The following ZNF510 variants were observed in gnomAD, a reference collection of about 807,000 sequenced individuals.
ZNF510 encodes zinc finger protein 510.
A neutral mutation model predicts 18.1 loss-of-function variants in ZNF510; 15 were observed. That is an observed-to-expected ratio of 0.83 (90% CI 0.55 to 1.28). The LOEUF (loss-of-function observed/expected upper bound fraction) is 1.28. ZNF510 is among the 50% of genes most tolerant of loss of function. The pLI, the probability that ZNF510 is intolerant of heterozygous loss-of-function variation, is 0.00. For synonymous variants in ZNF510, 261 were observed against 266.4 expected, an observed-to-expected ratio of 0.98 and a Z score of 0.20; for missense variants, 724 against 791.8, an observed-to-expected ratio of 0.91 and a Z score of 1.03.
chr9:96,774,925 G>GT, intron 2 of ZNF510, 79 bp from the exon 3 acceptor site: 1 of 1,240,338 alleles, frequency 8.1e-7, no homozygotes, highest in African/African-American at 1.5e-5. Context: ...CACCAGCTGG[G>GT]GAAAAAGGCC....
intron 3 of ZNF510, among the ~76,000 whole-genome samples, chr9:96,774,515 G>A (rs1439090742): frequency 6.6e-6 from 1 of 152,122 alleles, no homozygotes; most frequent in African/African-American, 2.4e-5. Context: ...CTGGTTTTAA[G>A]CTTCTCATCA....
At chr9:96,762,086 C>T (rs1020222269) in intron 5 of ZNF510, among the ~76,000 whole-genome samples, 1 of 150,884 alleles carries the variant, frequency 6.6e-6, no homozygotes, top group Non-Finnish European at 1.5e-5. Flanking sequence ...AAAAAGACTA[C>T]AAATTGGGTG....
In ZNF510 at chr9:96,759,905, G is replaced by C; in HGVS notation, c.925C>G (p.Leu309Val). The part of the protein sequence containing the change: ...HRRTGTGKKH[L>V]HLNQCGKSFE... ...GATTTCCCACATTGATTAAGATGCAGGTGTTTCTTCCCTGTGCCAGTTCTC... is the reference window on the plus strand; with the variant it reads ...GATTTCCCACATTGATTAAGATGCACGTGTTTCTTCCCTGTGCCAGTTCTC... Residue 309 changes from leucine (L) to valine (V), a missense_variant, in exon 6 of 6, where the codon CTG becomes GTG. Transcript: ENST00000223428. 1 of 1,613,226 alleles carries C rather than the reference G, an allele frequency of 6.2e-7. No homozygotes were observed. Among genetic ancestry groups the C allele is most frequent in the Non-Finnish European group, 8.5e-7 (1 of 1,179,948 alleles).
Position 96,760,222 on chromosome 9 carries a change from C to T in ZNF510, c.608G>A (p.Cys203Tyr). The stretch of plus-strand genomic sequence containing the variant: ...AGGTGAATTCTCACATACATTACCG[C>T]AACCTATTTTCTTTGTTGAATAGTT... ...NRNYSTKKIG[C>Y]GNVCENSPFK... The change falls in exon 6 of 6, where the codon TGC becomes TAC. Residue 203 changes from cysteine to tyrosine, a missense_variant. Cys to Tyr is a radical substitution (Grantham distance 194). Transcript: ENST00000223428. The T allele has an allele frequency of 6.2e-7, 1 of 1,613,098 alleles. No individual in the cohort carries two copies. The highest frequency in any genetic ancestry group is 1.1e-5 in the South Asian group (1 of 90,744).
At position 96,776,121 on chromosome 9, in the gene ZNF510, G is replaced by C; in HGVS notation, c.-52C>G. 1.3e-6 allele frequency: 2 copies of C among 1,559,334 alleles called. No homozygotes were observed. Among genetic ancestry groups the C allele is most frequent in the Non-Finnish European group, 1.7e-6 (2 of 1,150,432 alleles). On this transcript the variant is annotated 5_prime_UTR_variant, in exon 2 of 6. Coordinates refer to ENST00000223428, the MANE Select transcript of ZNF510 (RefSeq NM_014930.3). ...GGGGATGAAGAAGTGCCGCTGGTTGGGCAAATCAAGACCTGCTCCTTTCTG... is the reference window on the plus strand; with the variant it reads ...GGGGATGAAGAAGTGCCGCTGGTTGCGCAAATCAAGACCTGCTCCTTTCTG...
intron 3 of ZNF510, among the ~76,000 whole-genome samples, chr9:96,770,250 C>G (rs550280050): frequency 6.6e-6 from 1 of 151,994 alleles, no homozygotes; most frequent in South Asian, 2.1e-4. Flanking sequence ...TGTACTGATA[C>G]GTACAACATG....
At position 96,759,643 on chromosome 9, in the gene ZNF510, C is replaced by G. The variant is rs143323990; in HGVS notation, c.1187G>C (p.Arg396Thr). The G allele has an allele frequency of 6.2e-7, 1 of 1,613,724 alleles. No individual in the cohort carries two copies. Among genetic ancestry groups the G allele is most frequent in the Admixed American group, 1.7e-5 (1 of 60,020 alleles). Residue 396 changes from arginine (R) to threonine (T), a missense_variant, in exon 6 of 6, where the codon AGA (arginine) becomes ACA (threonine). Arg to Thr is a moderately conservative substitution (Grantham distance 71). Coordinates refer to ENST00000223428, the MANE Select transcript of ZNF510 (RefSeq NM_014930.3). ...YQTSVHRVRR[R>T]SHSMMKPYKC... is the part of the protein sequence containing the mutation. Reference sequence around the variant, plus strand: ...ATAGGGTTTCATCATTGAGTGACTTCTTCGGCGAACTCTGTGAACCGACGT... The same window carrying G: ...ATAGGGTTTCATCATTGAGTGACTTGTTCGGCGAACTCTGTGAACCGACGT...
chr9:96,777,941 G>A (rs933676822), intron 1 of ZNF510, 93 bp downstream of exon 1: 34 of 152,346 alleles, frequency 2.2e-4, no homozygotes, highest in African/African-American at 7.0e-4. Flanking sequence ...CCTGCTTTGG[G>A]GGAGTTCCCG....
rs770401789 is a variant in ZNF510 at position 96,774,828 on chromosome 9, G to A, written c.89C>T (p.Ser30Phe). The A allele has an allele frequency of 2.5e-6, 4 of 1,613,740 alleles. No individual in the cohort carries two copies. Among genetic ancestry groups the A allele is most frequent in the Non-Finnish European group, 3.4e-6 (4 of 1,179,896 alleles). ...LAEGGYPLRF[S>F]TLFQEQQKMN... The stretch of plus-strand genomic sequence containing the variant: ...TTTCTGCTGCTCCTGAAAGAGTGTG[G>A]AGAACCGTAAAGGATAACCTGGGGG... Residue 30 changes from serine to phenylalanine, a missense_variant, in exon 3 of 6, where the codon TCC becomes TTC. Ser to Phe is a radical substitution (Grantham distance 155, BLOSUM62 -2). Coordinates refer to ENST00000223428, the MANE Select transcript of ZNF510 (RefSeq NM_014930.3).
At chr9:96,760,604 G>A in intron 5 of ZNF510, 127 bp from the exon 6 acceptor site, 1 of 842,142 alleles carries the variant, frequency 1.2e-6, no homozygotes, top group African/African-American at 1.7e-5. Context: ...AGATGTATGT[G>A]TGTGTAAATA....
In ZNF510 at chr9:96,776,078, C is replaced by T. The variant is rs902468339; in HGVS notation, c.-9G>A. On this transcript the variant is annotated 5_prime_UTR_variant, in exon 2 of 6. Coordinates refer to ENST00000223428, the MANE Select transcript of ZNF510 (RefSeq NM_014930.3). Reference sequence around the variant, plus strand: ...TCTGGATGTGGCGACATCACCAAGTCTGGTGCTCTCTGGGCAAGGGGATGA... The same window carrying T: ...TCTGGATGTGGCGACATCACCAAGTTTGGTGCTCTCTGGGCAAGGGGATGA... The T allele has an allele frequency of 1.3e-6, 2 of 1,594,862 alleles. No individual in the cohort carries two copies. The highest frequency in any genetic ancestry group is 1.7e-6 in the Non-Finnish European group (2 of 1,169,244).
chr9:96,762,104 T>C (rs1269035156), intron 5 of ZNF510, among the ~76,000 whole-genome samples: 3 of 150,660 alleles, frequency 2.0e-5, no homozygotes, highest in Non-Finnish European at 4.4e-5. Context: ...GTGCAGTGTA[T>C]ACTGCTTGGG....
At chr9:96,761,215 T>C (rs9299132) in intron 5 of ZNF510, among the ~76,000 whole-genome samples, 9,025 of 152,236 alleles carry the variant, frequency 0.059, 880 homozygotes, top group African/African-American at 0.2. Context: ...CAGAACTAAG[T>C]GCTAAGTGAA....
chr9:96,759,240 G>A lies in ZNF510; in HGVS notation c.1590C>T (p.Asn530=). Residue 530 remains asparagine (N), a synonymous_variant, in exon 6 of 6, where the codon AAC becomes AAT. Coordinates refer to ENST00000223428, the MANE Select transcript of ZNF510 (RefSeq NM_014930.3). ...QCGKTFGQKS[N]LRIHQRTHTG... ...TGTGAGTTCTCTGATGTATTCTGAG[G>A]TTTGACTTCTGGCCAAATGTTTTTC... 6.2e-7 allele frequency: 1 copy of A among 1,613,730 alleles called. No individual in the cohort carries two copies. The highest frequency in any genetic ancestry group is 8.5e-7 in the Non-Finnish European group (1 of 1,179,920).
intron 3 of ZNF510, among the ~76,000 whole-genome samples, chr9:96,764,536 T>C (rs1849426416): frequency 6.6e-6 from 1 of 152,186 alleles, no homozygotes; most frequent in Non-Finnish European, 1.5e-5. Flanking sequence ...TGTGCTGAAA[T>C]AGCACTGAGA....
chr9:96,766,482 A>C (rs924994992), intron 3 of ZNF510, among the ~76,000 whole-genome samples: 9 of 152,030 alleles, frequency 5.9e-5, no homozygotes, highest in Admixed American at 5.2e-4. Context: ...AGTTTGGTAG[A>C]TGCAACAGAG....
At position 96,754,908 on chromosome 9, in the gene ZNF510, G is replaced by T. The variant is rs1259443089; in HGVS notation, c.*3870C>A. Among the ~76,000 whole-genome samples the T allele has an allele frequency of 2.0e-5, 3 of 152,178 alleles. No individual in the cohort carries two copies. Among genetic ancestry groups the T allele is most frequent in the Non-Finnish European group, 4.4e-5 (3 of 68,026 alleles). On this transcript the variant is annotated 3_prime_UTR_variant, in exon 6 of 6. Coordinates refer to ENST00000223428, the MANE Select transcript of ZNF510 (RefSeq NM_014930.3). Reference sequence around the variant, plus strand: ...TTATTAGCTTGAAGGCCCTTAGTGGGTGGGCAGACAGAAAATCAGCTCCTC... The same window carrying T: ...TTATTAGCTTGAAGGCCCTTAGTGGTTGGGCAGACAGAAAATCAGCTCCTC...
rs774515564 is a variant in ZNF510, at chr9:96,758,795, C to G, written c.2035G>C (p.Glu679Gln). The change falls in exon 6 of 6, where the codon GAG becomes CAG. Residue 679 changes from glutamate (E) to glutamine (Q), a missense_variant. Physicochemically the swap from Glu to Gln is conservative, Grantham distance 29. Transcript: ENST00000223428. ...TLSLYQKIQG[E>Q]GNPY ...TTATTACATCAATAGGGATTCCCCT[C>G]TCCCTGAATTTTCTGGTATAAGCTT... 1.3e-6 allele frequency: 2 copies of G among 1,585,760 alleles called. No homozygotes were observed. The highest frequency in any genetic ancestry group is 1.8e-5 in the Admixed American group (1 of 55,640).
At chr9:96,761,178 G>C (rs1373058854) in intron 5 of ZNF510, among the ~76,000 whole-genome samples, 2 of 152,086 alleles carry the variant, frequency 1.3e-5, no homozygotes, top group Admixed American at 1.3e-4. Flanking sequence ...GCTCCATTCT[G>C]GCTGTCATAG....
Sources: gnomAD v4.1 joint callset for allele counts (sites outside exome capture counted in the v4.1 genomes callset) on GRCh38, gnomAD v4.1.1 for gene constraint, MANE v1.5 for transcripts, NCBI Gene and HGNC (gene_info 2026-07-23, HGNC 2026-07-21) for gene names.